Variants in PDE4D observed in about 807,000 individuals in gnomAD.
PDE4D encodes phosphodiesterase 4D, also known as 3',5'-cyclic-AMP phosphodiesterase 4D.
PDE4D carries 24 observed loss-of-function variants against 87.4 expected under a neutral mutation model. That is an observed-to-expected ratio of 0.27 (90% confidence interval 0.20 to 0.39). The LOEUF (loss-of-function observed/expected upper bound fraction) is 0.39. PDE4D is among the 10% of genes least tolerant of loss of function. The probability of loss-of-function intolerance (pLI) is 1.00; values close to 1 mark genes in which losing one functional copy is unlikely to be tolerated. For missense variants in PDE4D, 714 were observed against 1,041.0 expected (o/e 0.69, Z 4.32); for synonymous variants, 384 against 383.2 (o/e 1.00, Z -0.02).
At chr5:59,647,718 A>T (rs1742713601) in intron 1 of PDE4D, among the ~76,000 whole-genome samples, 1 of 152,180 alleles carries the variant, frequency 6.6e-6, no homozygotes, top group Admixed American at 6.5e-5. Flanking sequence ...AAAAGGTTGT[A>T]TCATAAAATT....
chr5:60,075,057 T>C (rs192000339), intron 2 of PDE4D, among the ~76,000 whole-genome samples: 1 of 152,306 alleles, frequency 6.6e-6, no homozygotes, highest in East Asian at 1.9e-4. Context: ...TGTTGTTAGG[T>C]GGTTACTATG....
intron 1 of PDE4D, among the ~76,000 whole-genome samples, chr5:59,684,172 C>T (rs1000406976): frequency 1.3e-5 from 2 of 152,176 alleles, no homozygotes; most frequent in African/African-American, 4.8e-5. Flanking sequence ...GCTTTAAATC[C>T]TCCATCCCTC....
chr5:60,510,615 CAGG>C (rs1302786467), intron 1 of PDE4D, among the ~76,000 whole-genome samples: 2 of 152,106 alleles, frequency 1.3e-5, no homozygotes, highest in African/African-American at 2.4e-5. Flanking sequence ...GGAAAGGAAA[CAGG>C]AGGTGATACA....
chr5:59,103,348 T>A (rs1771072420), intron 5 of PDE4D, among the ~76,000 whole-genome samples: 1 of 152,130 alleles, frequency 6.6e-6, no homozygotes, highest in Non-Finnish European at 1.5e-5. Context: ...AGTGAAGAAT[T>A]AAGGGCAATT....
chr5:59,661,067 G>A (rs1348927836), intron 1 of PDE4D, among the ~76,000 whole-genome samples: 1 of 86,276 alleles, frequency 1.2e-5, no homozygotes, highest in Non-Finnish European at 2.2e-5. Flanking sequence ...GCATTTTCAT[G>A]ATAATATTAT....
rs116314372 is a variant in PDE4D at position 59,734,209 on chromosome 5, T to A, written c.455+158959A>T. On this transcript the variant is annotated intron_variant, in intron 1 of 14. Coordinates refer to ENST00000340635, the MANE Select transcript of PDE4D (RefSeq NM_001104631.2). ...TTTTATTTAAAGCATTCATTTTTTT[T>A]TTCTTAAACTATGCTCAAACCATGG... Among the ~76,000 whole-genome samples, 533 of 152,252 alleles carry A rather than the reference T, an allele frequency of 3.5e-3. 4 individuals carry two copies. The highest frequency in any genetic ancestry group is 0.012 in the African/African-American group (516 of 41,572).
intron 5 of PDE4D, among the ~76,000 whole-genome samples, chr5:59,158,996 A>G (rs993745914): frequency 2.0e-5 from 3 of 152,368 alleles, no homozygotes; most frequent in Admixed American, 1.3e-4. Context: ...AACACTCCCA[A>G]TACAGAAAGT....
chr5:60,517,062 G>A (rs1378132559), intron 1 of PDE4D, among the ~76,000 whole-genome samples: 1 of 152,196 alleles, frequency 6.6e-6, no homozygotes, highest in African/African-American at 2.4e-5. Flanking sequence ...CCACTGCCCA[G>A]CCTCTCCCCA....
In PDE4D at chr5:59,408,322, C is replaced by T. The variant is rs1009262144; in HGVS notation, c.456-192354G>A. ...GTAAGCTGTAAGCCTTTGTGGCTTCCTTGTGGTATTAAGCCTTCAGATAGA... is the reference window on the plus strand; with the variant it reads ...GTAAGCTGTAAGCCTTTGTGGCTTCTTTGTGGTATTAAGCCTTCAGATAGA... On this transcript the variant is annotated intron_variant, in intron 1 of 14. Transcript: ENST00000340635. Among the ~76,000 whole-genome samples, 52 of 152,324 alleles carry T rather than the reference C, an allele frequency of 3.4e-4. 1 individual carries two copies. The highest frequency in any genetic ancestry group is 1.7e-3 in the South Asian group (8 of 4,824).
intron 1 of PDE4D, among the ~76,000 whole-genome samples, chr5:59,762,893 A>ATATATATG (rs70975330): frequency 2.8e-5 from 3 of 105,906 alleles, no homozygotes; most frequent in Non-Finnish European, 4.0e-5. Flanking sequence ...ATATATATAT[A>ATATATATG]GCTTGCTCTT....
chr5:59,783,631 A>C (rs1764840029), intron 1 of PDE4D, among the ~76,000 whole-genome samples: 1 of 152,202 alleles, frequency 6.6e-6, no homozygotes, highest in African/African-American at 2.4e-5. Context: ...CATTTATTTC[A>C]TTTGAAAGGA....
rs145378734 is a variant in PDE4D at position 60,249,627 on chromosome 5, A to G, written c.-89-63940T>C. Among the ~76,000 whole-genome samples, 16 of 152,206 alleles carry G rather than the reference A, an allele frequency of 1.1e-4. No homozygotes were observed. In the East Asian group the frequency reaches 1.9e-3, roughly 18 times the overall value. On this transcript the variant is annotated intron_variant, in intron 1 of 16. Transcript: ENST00000502484. The stretch of plus-strand genomic sequence containing the variant: ...CTTTAGATTTAACAGCAGTGAGTTT[A>G]CATTGGGTCACAAGAAATAGGATTT...
At chr5:59,805,603 A>G (rs965214476) in intron 1 of PDE4D, among the ~76,000 whole-genome samples, 8 of 152,214 alleles carry the variant, frequency 5.3e-5, no homozygotes, top group African/African-American at 1.7e-4. Context: ...TCCCTTTGGC[A>G]TTTAAAGATG....
chr5:59,148,610 C>A (rs1042096742), intron 5 of PDE4D, among the ~76,000 whole-genome samples: 1 of 152,182 alleles, frequency 6.6e-6, no homozygotes, highest in Non-Finnish European at 1.5e-5. Context: ...TAATTGGTTA[C>A]GAATTGTATT....
chr5:59,402,330 A>T (rs1376478900), intron 1 of PDE4D, among the ~76,000 whole-genome samples: 5 of 152,208 alleles, frequency 3.3e-5, no homozygotes, highest in Non-Finnish European at 7.3e-5. Context: ...TTAGAGTGAG[A>T]GCTGAAGTGA....
intron 5 of PDE4D, among the ~76,000 whole-genome samples, chr5:59,096,334 T>C (rs577664622): frequency 1.1e-4 from 17 of 152,296 alleles, no homozygotes; most frequent in African/African-American, 4.1e-4. Flanking sequence ...GATCAATGTG[T>C]CATGGAGCCC....
chr5:59,873,760 A>G (rs1402900407), intron 1 of PDE4D, among the ~76,000 whole-genome samples: 1 of 152,178 alleles, frequency 6.6e-6, no homozygotes, highest in Admixed American at 6.5e-5. Flanking sequence ...TTCGCTTTCA[A>G]CTCTGCTGGG....
At chr5:59,456,020 A>AGGG (rs952906619) in intron 1 of PDE4D, among the ~76,000 whole-genome samples, 1 of 152,206 alleles carries the variant, frequency 6.6e-6, no homozygotes, top group African/African-American at 2.4e-5. Flanking sequence ...CATAGGTAGA[A>AGGG]GGGACTCCCC....
intron 3 of PDE4D, among the ~76,000 whole-genome samples, chr5:59,918,036 C>G (rs2152776292): frequency 6.6e-6 from 1 of 151,760 alleles, no homozygotes; most frequent in Admixed American, 6.6e-5. Flanking sequence ...ATACTATACA[C>G]AATCAATTAC....
Sources: gnomAD v4.1 joint callset for allele counts (sites outside exome capture counted in the v4.1 genomes callset) on GRCh38, gnomAD v4.1.1 for gene constraint, MANE v1.5 for transcripts, NCBI Gene and HGNC (gene_info 2026-07-23, HGNC 2026-07-21) for gene names.